The following KIF13A variants were observed in gnomAD, a reference collection of about 807,000 sequenced individuals.
KIF13A encodes the protein kinesin-like protein KIF13A.
KIF13A carries 79 observed loss-of-function variants against 212.2 expected under a neutral mutation model. The ratio of observed to expected loss-of-function variants is 0.37; its 90% CI spans 0.31 to 0.45. KIF13A has a LOEUF of 0.45. Ranked by LOEUF, KIF13A falls within the 20% of genes least tolerant of loss-of-function variation. KIF13A has a pLI of 1.00. For missense variants in KIF13A, 1,901 were observed against 2,209.0 expected, an observed-to-expected ratio of 0.86 and a Z score of 2.79; for synonymous variants, 789 against 808.6, an observed-to-expected ratio of 0.98 and a Z score of 0.41.
chr6:17,773,525 G>A lies in KIF13A; in HGVS notation c.4277C>T (p.Ala1426Val), dbSNP rs373092082. Residue 1426 changes from alanine (A) to valine (V), a missense_variant, in exon 36 of 39, where the codon GCA becomes GTA. This residue lies in a region of KIF13A where 687 missense variants were observed against 759.1 expected (regional missense o/e 0.90). Transcript: ENST00000259711. The surrounding 1 kb of genome is among the most constrained non-coding windows in gnomAD (Gnocchi z 4.2). ...ATCCCTGGGTAAAGTTCCATAACATGCTACATCTTGGTAACTGGAGCTATA... is the reference window on the plus strand; with the variant it reads ...ATCCCTGGGTAAAGTTCCATAACATACTACATCTTGGTAACTGGAGCTATA... Reference protein sequence around the residue: ...SDYSSSYQDVACYGTLPRDSP... With the variant: ...SDYSSSYQDVVCYGTLPRDSP... 5 of 1,611,512 alleles carry A rather than the reference G, an allele frequency of 3.1e-6. No homozygotes were observed. In the African/African-American group the frequency reaches 6.7e-5, roughly 22 times the overall value.
chr6:17,945,866 GA>G (rs1262870880), intron 2 of KIF13A, among the ~76,000 whole-genome samples: 1 of 152,126 alleles, frequency 6.6e-6, no homozygotes. Context: ...AGACGGCCCT[GA>G]AAATGATCCT....
intron 38 of KIF13A, among the ~76,000 whole-genome samples, chr6:17,766,364 C>T (rs1758985085): frequency 1.3e-5 from 2 of 151,596 alleles, no homozygotes; most frequent in African/African-American, 4.8e-5. Flanking sequence ...GTCAGCCTCC[C>T]GAGTAGCTGG....
rs188884608 is a variant in KIF13A at position 17,975,472 on chromosome 6, G to A, written c.146+11582C>T. On this transcript the variant is annotated intron_variant, in intron 2 of 38. Transcript: ENST00000259711. Reference sequence around the variant, plus strand: ...AAAGTGAAGCTACAGACCTTCAGCGGTGAGCGTTACAGCTTATAAAGACAA... The same window carrying A: ...AAAGTGAAGCTACAGACCTTCAGCGATGAGCGTTACAGCTTATAAAGACAA... 4.9e-4 allele frequency among the ~76,000 whole-genome samples: 75 copies of A among 152,302 alleles called. No individual in the cohort carries two copies. The East Asian group carries it at 0.014, about 29-fold the overall frequency.
chr6:17,962,753 C>T (rs1318633856), intron 2 of KIF13A, among the ~76,000 whole-genome samples: 1 of 152,154 alleles, frequency 6.6e-6, no homozygotes, highest in Non-Finnish European at 1.5e-5. Context: ...CTCTCCCTTT[C>T]CTCTGAGCTT....
At position 17,838,151 on chromosome 6, in the gene KIF13A, A is replaced by T. The variant is rs1044411356; in HGVS notation, c.831-568T>A. ...ATCCTGGCCAACATGGTGAAACCCC[A>T]TCTCTACTAAAAATACAAAAATTGC... On this transcript the variant is annotated intron_variant, in intron 9 of 38. Transcript: ENST00000259711. The surrounding 1 kb of genome is among the most constrained non-coding windows in gnomAD (Gnocchi z 4.2). 6.6e-6 allele frequency among the ~76,000 whole-genome samples: 1 copy of T among 151,666 alleles called. No individual in the cohort carries two copies. The highest frequency in any genetic ancestry group is 2.0e-4 in the East Asian group (1 of 5,122).
At chr6:17,905,039 C>G (rs561902882) in intron 2 of KIF13A, among the ~76,000 whole-genome samples, 1 of 152,232 alleles carries the variant, frequency 6.6e-6, no homozygotes, top group Non-Finnish European at 1.5e-5. Flanking sequence ...CCGTGGCCTA[C>G]GGGCCTCATG....
Position 17,826,003 on chromosome 6 carries a change from A to C in KIF13A, c.1619+35T>G. On this transcript the variant is annotated intron_variant, in intron 15 of 38. Transcript: ENST00000259711. The surrounding 1 kb of genome is among the most constrained non-coding windows in gnomAD (Gnocchi z 4.7). ...CTTAAATAGATAACAGAAAAAATGT[A>C]TACGAAAATATATTACAGAACACAA... 6.2e-7 allele frequency: 1 copy of C among 1,610,360 alleles called. No individual in the cohort carries two copies. The highest frequency in any genetic ancestry group is 8.5e-7 in the Non-Finnish European group (1 of 1,176,998).
In KIF13A at chr6:17,849,251, A is replaced by T; in HGVS notation, c.830+126T>A. ...ACACAGGTTGTTGTTGTTTTTCTTC[A>T]GCCCAGTTTACTAAAGCTATACAGA... is the stretch of plus-strand genomic sequence containing the variant. On this transcript the variant is annotated intron_variant, in intron 9 of 38. Coordinates refer to ENST00000259711, the MANE Select transcript of KIF13A (RefSeq NM_022113.6). This position sits in a 1 kb window ranked among gnomAD's most constrained non-coding sequence, Gnocchi z 5.7. 1 of 636,294 alleles carries T rather than the reference A, an allele frequency of 1.6e-6. No individual in the cohort carries two copies. Among genetic ancestry groups the T allele is most frequent in the South Asian group, 2.1e-5 (1 of 46,864 alleles). 39.4% of individuals were successfully genotyped at this position (636,294 alleles called of 1,614,324 possible). A position where few individuals can be genotyped will look rare whatever the true frequency, so the allele number is the denominator to read the frequency against.
chr6:17,761,073 A>G (rs1165114676), downstream of KIF13A, among the ~76,000 whole-genome samples: 1 of 152,178 alleles, frequency 6.6e-6, no homozygotes, highest in East Asian at 1.9e-4. Flanking sequence ...TTTCAAGGAA[A>G]AGTAATGACA....
At chr6:17,858,350 G>A (rs1274671222) in intron 4 of KIF13A, among the ~76,000 whole-genome samples, 1 of 152,080 alleles carries the variant, frequency 6.6e-6, no homozygotes, top group Non-Finnish European at 1.5e-5. Context: ...CTGTTGTGAA[G>A]AGTACCTTAA....
intron 20 of KIF13A, among the ~76,000 whole-genome samples, chr6:17,803,443 A>G (rs1486029075): frequency 1.3e-5 from 2 of 152,224 alleles, no homozygotes; most frequent in Admixed American, 6.5e-5. Flanking sequence ...CCGGGTCTAT[A>G]TCGCAGCTTC....
chr6:17,779,172 G>A (rs915768205), intron 32 of KIF13A, 73 bp from the exon 33 acceptor site: 6 of 1,285,730 alleles, frequency 4.7e-6, no homozygotes, highest in African/African-American at 4.5e-5. Context: ...GTGAGAAAAC[G>A]TTTTAGAAGT....
intron 2 of KIF13A, among the ~76,000 whole-genome samples, chr6:17,927,218 G>C (rs1775568413): frequency 6.6e-6 from 1 of 151,664 alleles, no homozygotes; most frequent in African/African-American, 2.4e-5. Context: ...TTGCATACCA[G>C]TATTCATAGC....
chr6:17,931,259 T>C (rs1266246965), intron 2 of KIF13A, among the ~76,000 whole-genome samples: 1 of 152,218 alleles, frequency 6.6e-6, no homozygotes, highest in African/African-American at 2.4e-5. Flanking sequence ...CTTATACAAA[T>C]TCTTTACTGT....
rs372638822 is a variant in KIF13A at position 17,982,998 on chromosome 6, G to A, written c.146+4056C>T. Among the ~76,000 whole-genome samples, 136 of 151,868 alleles carry A rather than the reference G, an allele frequency of 9.0e-4. 1 individual carries two copies. The East Asian group carries it at 0.012, about 14-fold the overall frequency. On this transcript the variant is annotated intron_variant, in intron 2 of 38. Transcript: ENST00000259711. The surrounding 1 kb of genome is among the most constrained non-coding windows in gnomAD (Gnocchi z 5.1). ...AGCCTGGCCAACATAGTGAAACCCC[G>A]TCTCTACTAAAAATACACAAAAAAA...
At chr6:17,889,284 T>C (rs1771826174) in intron 3 of KIF13A, among the ~76,000 whole-genome samples, 2 of 152,236 alleles carry the variant, frequency 1.3e-5, no homozygotes, top group African/African-American at 4.8e-5. Context: ...TTTTGTTTTG[T>C]TATAATGTAG....
At chr6:17,763,105 C>G (rs950694309), downstream of KIF13A, among the ~76,000 whole-genome samples, 2 of 152,162 alleles carry the variant, frequency 1.3e-5, no homozygotes, top group African/African-American at 4.8e-5. Context: ...GAGCAGAATG[C>G]TCAGAAGCAG....
intron 4 of KIF13A, among the ~76,000 whole-genome samples, chr6:17,866,030 G>T (rs1033420245): frequency 2.0e-5 from 3 of 152,200 alleles, no homozygotes; most frequent in African/African-American, 4.8e-5. Flanking sequence ...CGAGAATGAA[G>T]AAAGAATATA....
At chr6:17,978,110 G>C (rs1184574860) in intron 2 of KIF13A, among the ~76,000 whole-genome samples, 1 of 152,192 alleles carries the variant, frequency 6.6e-6, no homozygotes, top group East Asian at 1.9e-4. Flanking sequence ...AGGGGGCTTG[G>C]ACTGGTGAAA....
Sources: gnomAD v4.1 joint callset for allele counts (sites outside exome capture counted in the v4.1 genomes callset) on GRCh38, gnomAD v4.1.1 for gene constraint, gnomAD v4.1.1 regional missense constraint, Gnocchi (gnomAD v3.1) non-coding constraint, MANE v1.5 for transcripts, NCBI Gene and HGNC (gene_info 2026-07-23, HGNC 2026-07-21) for gene names.